ITCH: variants seen among roughly 807,000 people sequenced by gnomAD.
The protein encoded by ITCH is itchy E3 ubiquitin protein ligase, also known as E3 ubiquitin-protein ligase Itchy homolog.
A neutral mutation model predicts 126.8 loss-of-function variants in ITCH; 28 were observed. The observed-to-expected ratio is 0.22, with a 90% CI of 0.16 to 0.30. The LOEUF is 0.30. Among genes scored for constraint, ITCH ranks in the 10% least tolerant of loss-of-function variants. ITCH has a pLI of 1.00. For missense variants in ITCH, 631 were observed against 1,032.4 expected (o/e 0.61, Z 5.33); for synonymous variants, 342 against 340.0 (o/e 1.01, Z -0.06).
At chr20:34,426,287 A>T (rs1477175914) in intron 7 of ITCH, among the ~76,000 whole-genome samples, 1 of 152,226 alleles carries the variant, frequency 6.6e-6, no homozygotes. Context: ...AAAATTATCC[A>T]CAAAGATGGG....
At chr20:34,475,362 A>G (rs1276649123) in intron 16 of ITCH, among the ~76,000 whole-genome samples, 1 of 152,124 alleles carries the variant, frequency 6.6e-6, no homozygotes, top group Non-Finnish European at 1.5e-5. Flanking sequence ...CAGCCTGGGC[A>G]CCATTGAGCA....
chr20:34,416,942 T>G (rs1260980135), intron 6 of ITCH, among the ~76,000 whole-genome samples: 1 of 144,968 alleles, frequency 6.9e-6, no homozygotes, highest in Non-Finnish European at 1.5e-5. Context: ...GGAGTCTTGC[T>G]CTTGTCACCC....
chr20:34,479,931 C>A, intron 18 of ITCH, 142 bp downstream of exon 18: 1 of 759,856 alleles, frequency 1.3e-6, no homozygotes, highest in Non-Finnish European at 2.2e-6. Context: ...CAGAGTCTTG[C>A]TCTGTCACCC....
rs141828786 is a variant in ITCH at position 34,449,416 on chromosome 20, A to G, written c.1146A>G (p.Gln382=). ...CACTTTTTGGTTCTTTTTAGAATCA[A>G]GATTTATTTGCTACATCACAAAGTA... is the stretch of plus-strand genomic sequence containing the variant. ...QFNQRFIYGN[Q]DLFATSQSKE... The change falls in exon 12 of 25, where the codon CAA becomes CAG. Residue 382 remains glutamine, a synonymous_variant. Transcript: ENST00000374864. 6.8e-3 allele frequency: 10,923 copies of G among 1,606,038 alleles called. 47 individuals are homozygous for G. The highest frequency in any genetic ancestry group is 7.8e-3 in the South Asian group (711 of 90,744).
chr20:34,456,178 GTGTGTGTATATATATATATA>G (rs1365389638), intron 12 of ITCH, among the ~76,000 whole-genome samples: 24 of 34,510 alleles, frequency 7.0e-4, no homozygotes, highest in African/African-American at 1.7e-3. Flanking sequence ...GTGTGTGTGT[GTGTGTGTATATATATATATA>G]TATATATATA....
chr20:34,497,027 C>T (rs1402640164), intron 23 of ITCH, among the ~76,000 whole-genome samples: 1 of 151,738 alleles, frequency 6.6e-6, no homozygotes, highest in African/African-American at 2.4e-5. Context: ...GACAGAGTCT[C>T]ACTCCGTTGC....
intron 14 of ITCH, among the ~76,000 whole-genome samples, chr20:34,463,972 T>G (rs1243338956): frequency 6.6e-6 from 1 of 151,896 alleles, no homozygotes; most frequent in Non-Finnish European, 1.5e-5. Context: ...TTTGTCAATT[T>G]TTTCTTTTCT....
intron 7 of ITCH, among the ~76,000 whole-genome samples, chr20:34,437,478 A>T (rs568929403): frequency 6.6e-6 from 1 of 152,000 alleles, no homozygotes; most frequent in Non-Finnish European, 1.5e-5. Flanking sequence ...GCTACTTTTT[A>T]AATTTTTTTG....
At chr20:34,387,824 C>A (rs1300114081) in intron 2 of ITCH, among the ~76,000 whole-genome samples, 1 of 152,028 alleles carries the variant, frequency 6.6e-6, no homozygotes, top group Non-Finnish European at 1.5e-5. Context: ...CTTGCCTCAG[C>A]CTCCCAAGTA....
chr20:34,456,176 GTGTGTGTGTATATATATATATATA>G (rs1179953437), intron 12 of ITCH, among the ~76,000 whole-genome samples: 1 of 34,152 alleles, frequency 2.9e-5, no homozygotes, highest in African/African-American at 2.3e-4. Context: ...GTGTGTGTGT[GTGTGTGTGTATATATATATATATA>G]TATATATATA....
chr20:34,463,669 C>T (rs1359306021), intron 14 of ITCH, among the ~76,000 whole-genome samples: 1 of 150,698 alleles, frequency 6.6e-6, no homozygotes, highest in African/African-American at 2.4e-5. Flanking sequence ...TGTCGTATTT[C>T]ATTGTGGTTT....
At chr20:34,419,485 C>CTTT (rs1192397617) in intron 6 of ITCH, among the ~76,000 whole-genome samples, 4 of 141,092 alleles carry the variant, frequency 2.8e-5, no homozygotes, top group Non-Finnish European at 6.2e-5. Flanking sequence ...TCAGTGTTGC[C>CTTT]TTTTTTTTTT....
intron 11 of ITCH, among the ~76,000 whole-genome samples, chr20:34,448,118 G>A (rs745326602): frequency 2.4e-4 from 37 of 152,264 alleles, no homozygotes; most frequent in Non-Finnish European, 4.4e-4. Flanking sequence ...AGCCTGGCGC[G>A]GTGGCTCACA....
rs995840329 is a variant in ITCH at position 34,511,763 on chromosome 20, A to G, written c.*3969A>G. 1.3e-5 allele frequency among the ~76,000 whole-genome samples: 2 copies of G among 152,246 alleles called. No homozygotes were observed. The highest frequency in any genetic ancestry group is 4.8e-5 in the African/African-American group (2 of 41,468). ...TGTGAGTGTACATTCATCTAAAGAC[A>G]TAAGTGATTCACTTTTTTAAATCTA... On this transcript the variant is annotated 3_prime_UTR_variant, in exon 25 of 25. Coordinates refer to ENST00000374864, the MANE Select transcript of ITCH (RefSeq NM_031483.7).
Position 34,442,214 on chromosome 20 carries a change from G to A in ITCH, c.876G>A (p.Glu292=), listed in dbSNP as rs1163604585. The A allele has an allele frequency of 1.2e-6, 2 of 1,612,976 alleles. No individual in the cohort carries two copies. Among genetic ancestry groups the A allele is most frequent in the South Asian group, 2.2e-5 (2 of 91,066 alleles). The change falls in exon 10 of 25, where the codon GAG becomes GAA. Residue 292 remains glutamate, a synonymous_variant. Transcript: ENST00000374864. ...TTTTAATTTTGTATTTAAGTTGGGA[G>A]CAGAGAGTGGACCAGCACGGGCGAG... is the stretch of plus-strand genomic sequence containing the variant. The part of the protein sequence containing the change: ...VTQAPLPPGW[E]QRVDQHGRVY...
chr20:34,441,516 C>G (rs1320681639), intron 9 of ITCH: 1 of 152,128 alleles, frequency 6.6e-6, no homozygotes, highest in South Asian at 2.1e-4. Flanking sequence ...CCTCCGTCTT[C>G]CGGGTTCAAG....
rs1198638205 is a variant in ITCH at position 34,510,142 on chromosome 20, C to G, written c.*2348C>G. On this transcript the variant is annotated 3_prime_UTR_variant, in exon 25 of 25. Coordinates refer to ENST00000374864, the MANE Select transcript of ITCH (RefSeq NM_031483.7). Reference sequence around the variant, plus strand: ...TAAATGCTTGTATATATTTTTGCAGCCTGGGATCTCCCTACTCCATTTTTT... The same window carrying G: ...TAAATGCTTGTATATATTTTTGCAGGCTGGGATCTCCCTACTCCATTTTTT... 1 of 152,526 alleles carries G rather than the reference C, an allele frequency of 6.6e-6. No individual in the cohort carries two copies. Among genetic ancestry groups the G allele is most frequent in the Admixed American group, 6.6e-5 (1 of 15,262 alleles). 9.4% of individuals were successfully genotyped at this position (152,526 alleles called of 1,614,324 possible).
At chr20:34,370,695 A>C (rs902308919) in intron 2 of ITCH, among the ~76,000 whole-genome samples, 1 of 151,564 alleles carries the variant, frequency 6.6e-6, no homozygotes, top group African/African-American at 2.4e-5. Context: ...AATGTTATCT[A>C]GATCCACAAG....
chr20:34,363,928 C>G (rs1039735169), intron 1 of ITCH, among the ~76,000 whole-genome samples: 4 of 152,220 alleles, frequency 2.6e-5, no homozygotes, highest in Non-Finnish European at 5.9e-5. Flanking sequence ...GGCGCCCTCC[C>G]CGACGTCCGC....
Sources: gnomAD v4.1 joint callset for allele counts (sites outside exome capture counted in the v4.1 genomes callset) on GRCh38, gnomAD v4.1.1 for gene constraint, MANE v1.5 for transcripts, NCBI Gene and HGNC (gene_info 2026-07-23, HGNC 2026-07-21) for gene names.